ARIH2: variants seen among roughly 807,000 people sequenced by gnomAD.
ARIH2 encodes E3 ubiquitin-protein ligase ARIH2.
Under a neutral mutation model 79.8 loss-of-function variants are expected in ARIH2, and 12 were observed. That is an observed-to-expected ratio of 0.15 (90% CI 0.10 to 0.24). The LOEUF is 0.24. ARIH2 is among the 10% of genes least tolerant of loss of function. The pLI is 1.00. For missense variants in ARIH2, 301 were observed against 618.3 expected, an observed-to-expected ratio of 0.49 and a Z score of 5.44; for synonymous variants, 224 against 213.9, an observed-to-expected ratio of 1.05 and a Z score of -0.41.
At chr3:48,963,913 T>C (rs2107552690) in intron 4 of ARIH2, among the ~76,000 whole-genome samples, 1 of 152,346 alleles carries the variant, frequency 6.6e-6, no homozygotes, top group South Asian at 2.1e-4. Context: ...TATTTTGTTA[T>C]TCCAAATGGA....
At chr3:48,940,131 G>A (rs890964352) in intron 3 of ARIH2, among the ~76,000 whole-genome samples, 11 of 152,146 alleles carry the variant, frequency 7.2e-5, no homozygotes, top group African/African-American at 2.2e-4. Context: ...GCGTGAACCC[G>A]GGAGGCGGAG....
At position 48,918,922 on chromosome 3, in the gene ARIH2, C is replaced by G; in HGVS notation, c.-238C>G. On this transcript the variant is annotated 5_prime_UTR_variant, in exon 1 of 16. Transcript: ENST00000356401. ...CCCGCCGCCTCCGCTGCCGCTTCGC[C>G]CCAATCCGGTCCCTCTGGCCCGGCC... is the stretch of plus-strand genomic sequence containing the variant. 1 of 1,596,934 alleles carries G rather than the reference C, an allele frequency of 6.3e-7. No homozygotes were observed.
At chr3:48,920,220 A>G (rs914453174) in intron 1 of ARIH2, among the ~76,000 whole-genome samples, 4 of 152,144 alleles carry the variant, frequency 2.6e-5, no homozygotes, top group East Asian at 1.9e-4. Context: ...GGCTCAAGCT[A>G]TCCTCCCGGT....
intron 15 of ARIH2, 44 bp from the exon 16 acceptor site, chr3:48,983,155 C>T (rs2092811023): frequency 6.2e-7 from 1 of 1,610,106 alleles, no homozygotes; most frequent in Non-Finnish European, 8.5e-7. Context: ...TCCTTGCTCC[C>T]AGGCCTGGGC....
At position 48,967,289 on chromosome 3, in the gene ARIH2, A is replaced by G. The variant is rs1207004924; in HGVS notation, c.538+14A>G. ...GCGTGGGCGTGGGTGAGTCTGCCAC[A>G]AAACTTATAAAAAGCTGGCATGAAG... On this transcript the variant is annotated intron_variant, in intron 6 of 15. Transcript: ENST00000356401. The G allele has an allele frequency of 1.2e-6, 2 of 1,611,774 alleles. No homozygotes were observed. The highest frequency in any genetic ancestry group is 1.3e-5 in the African/African-American group (1 of 74,980).
Position 48,981,716 on chromosome 3 carries a change from C to T in ARIH2, c.1314C>T (p.Pro438=), listed in dbSNP as rs1415576788. The change falls in exon 14 of 16, where the codon CCC becomes CCT. Residue 438 remains proline (P), a synonymous_variant. Transcript: ENST00000356401. ...ATGCATATTACATGGAGTCCGGACC[C>T]AGGAAGAAGCTGGTAAGGCAAAGCA... ...YPYAYYMESG[P]RKKLFEYQQA... The T allele has an allele frequency of 1.2e-6, 2 of 1,613,778 alleles. No individual in the cohort carries two copies. The highest frequency in any genetic ancestry group is 1.7e-6 in the Non-Finnish European group (2 of 1,179,782).
intron 3 of ARIH2, among the ~76,000 whole-genome samples, chr3:48,955,815 T>TG (rs986481524): frequency 2.0e-5 from 3 of 152,156 alleles, no homozygotes; most frequent in African/African-American, 7.2e-5. Flanking sequence ...GGAGTTGAGA[T>TG]GGGGGTTCAG....
chr3:48,938,255 A>C (rs1464675770), intron 3 of ARIH2, among the ~76,000 whole-genome samples: 1 of 152,210 alleles, frequency 6.6e-6, no homozygotes, highest in Non-Finnish European at 1.5e-5. Flanking sequence ...TAACACTGCT[A>C]CTTCAAGATG....
In ARIH2 at chr3:48,918,913, C is replaced by G. The variant is rs780557806; in HGVS notation, c.-247C>G. ...CGGCGTCGGCCCGCCGCCTCCGCTGCCGCTTCGCCCCAATCCGGTCCCTCT... is the reference window on the plus strand; with the variant it reads ...CGGCGTCGGCCCGCCGCCTCCGCTGGCGCTTCGCCCCAATCCGGTCCCTCT... On this transcript the variant is annotated 5_prime_UTR_variant, in exon 1 of 16. Transcript: ENST00000356401. The G allele has an allele frequency of 2.5e-6, 4 of 1,600,014 alleles. No homozygotes were observed. The South Asian group carries it at 3.3e-5, about 13-fold the overall frequency.
chr3:48,951,047 C>T (rs546364265), intron 3 of ARIH2, among the ~76,000 whole-genome samples: 6 of 151,326 alleles, frequency 4.0e-5, no homozygotes, highest in Non-Finnish European at 8.8e-5. Context: ...ACTGCAACCT[C>T]AACCTCCCAG....
intron 13 of ARIH2, among the ~76,000 whole-genome samples, chr3:48,980,908 CT>C (rs1166276552): frequency 6.9e-6 from 1 of 145,586 alleles, no homozygotes; most frequent in Non-Finnish European, 1.5e-5. Context: ...GTAGTTCCAG[CT>C]ACTTGGGAGG....
intron 3 of ARIH2, among the ~76,000 whole-genome samples, chr3:48,947,537 A>G (rs937318060): frequency 5.9e-5 from 9 of 152,184 alleles, no homozygotes; most frequent in Non-Finnish European, 4.4e-5. Context: ...TAGCACTATT[A>G]TACTGTACTC....
At chr3:48,935,605 C>T (rs1421437971) in intron 3 of ARIH2, among the ~76,000 whole-genome samples, 1 of 152,140 alleles carries the variant, frequency 6.6e-6, no homozygotes, top group African/African-American at 2.4e-5. Context: ...TATAATATGA[C>T]CTCAGATAAG....
chr3:48,982,490 GTATT>G (rs954499614), intron 14 of ARIH2, among the ~76,000 whole-genome samples: 1 of 152,104 alleles, frequency 6.6e-6, no homozygotes, highest in African/African-American at 2.4e-5. Flanking sequence ...TGATTACTAA[GTATT>G]TAAGTTTGAA....
chr3:48,980,586 G>C lies in ARIH2; in HGVS notation c.1257+90G>C, dbSNP rs935678828. 70 of 1,457,396 alleles carry C rather than the reference G, an allele frequency of 4.8e-5. No homozygotes were observed. In the South Asian group the frequency reaches 8.7e-4, roughly 18 times the overall value. The allele number at this position is 1,457,396 out of a possible 1,614,324, so 90.3% of individuals were successfully genotyped here. A position where few individuals can be genotyped will look rare whatever the true frequency, so the allele number is the denominator to read the frequency against. On this transcript the variant is annotated intron_variant, in intron 13 of 15. Transcript: ENST00000356401. Reference sequence around the variant, plus strand: ...GATAGTGGGAAGCTCTGTTGAAAGAGGGTATTTTAGCACCCTGTGCAGCCT... The same window carrying C: ...GATAGTGGGAAGCTCTGTTGAAAGACGGTATTTTAGCACCCTGTGCAGCCT...
intron 13 of ARIH2, 108 bp downstream of exon 13, chr3:48,980,604 T>G: frequency 7.6e-7 from 1 of 1,311,584 alleles, no homozygotes; most frequent in South Asian, 1.4e-5. Flanking sequence ...TAGCACCCTG[T>G]GCAGCCTTTC....
At chr3:48,943,975 A>T (rs1020026016) in intron 3 of ARIH2, among the ~76,000 whole-genome samples, 1 of 152,200 alleles carries the variant, frequency 6.6e-6, no homozygotes, top group Non-Finnish European at 1.5e-5. Flanking sequence ...TACTCTGTGC[A>T]GTTCATTTGA....
At chr3:48,947,676 C>T (rs1001004006) in intron 3 of ARIH2, among the ~76,000 whole-genome samples, 3 of 152,024 alleles carry the variant, frequency 2.0e-5, no homozygotes, top group Non-Finnish European at 4.4e-5. Flanking sequence ...AGGGTCAACC[C>T]TTTGTATATT....
At chr3:48,934,332 T>A in intron 3 of ARIH2, 1 of 866,790 alleles carries the variant, frequency 1.2e-6, no homozygotes, top group Non-Finnish European at 1.4e-6. Context: ...AAACTTTAAT[T>A]ATTAAATCAA....
Sources: allele counts gnomAD v4.1 joint callset (sites outside exome capture counted in the v4.1 genomes callset), GRCh38; gene constraint gnomAD v4.1.1; transcripts MANE v1.5; gene names NCBI Gene and HGNC (gene_info 2026-07-23, HGNC 2026-07-21).